The following MALRD1 variants were observed in gnomAD, a reference collection of about 807,000 sequenced individuals.
MALRD1 encodes MAM and LDL receptor class A domain containing 1.
Under a neutral mutation model 242.1 loss-of-function variants are expected in MALRD1, and 247 were observed. That is an observed-to-expected ratio of 1.02 (90% CI 0.92 to 1.13). The LOEUF (loss-of-function observed/expected upper bound fraction) is 1.13, where lower values mean the gene tolerates loss of function less well. MALRD1 is among the 50% of genes most tolerant of loss of function. The pLI is 0.00. For synonymous variants in MALRD1, 995 were observed against 866.6 expected (o/e 1.15, Z -2.60); for missense variants, 2,989 against 2,533.1 (o/e 1.18, Z -3.86).
At chr10:19,110,348 G>C (rs578210643) in intron 5 of MALRD1, among the ~76,000 whole-genome samples, 1 of 152,120 alleles carries the variant, frequency 6.6e-6, no homozygotes, top group Non-Finnish European at 1.5e-5. Context: ...TCTAACACTG[G>C]AACATGTAAA....
chr10:19,139,965 C>G (rs776440474), intron 10 of MALRD1, among the ~76,000 whole-genome samples: 3 of 152,136 alleles, frequency 2.0e-5, no homozygotes, highest in African/African-American at 7.2e-5. Context: ...AAACTAAAGG[C>G]AAACAAGTCA....
chr10:19,528,763 A>G (rs1289110695), intron 31 of MALRD1, among the ~76,000 whole-genome samples: 2 of 152,176 alleles, frequency 1.3e-5, no homozygotes, highest in Middle Eastern at 3.2e-3. Context: ...GGAAGGCATC[A>G]TTCCTATCAT....
intron 38 of MALRD1, among the ~76,000 whole-genome samples, chr10:19,699,261 G>A (rs1387038803): frequency 7.0e-6 from 1 of 142,896 alleles, no homozygotes; most frequent in Admixed American, 6.8e-5. Flanking sequence ...TGGGAAGGGA[G>A]AAAATTGTAC....
intron 21 of MALRD1, among the ~76,000 whole-genome samples, chr10:19,302,164 G>A (rs1233561931): frequency 2.6e-5 from 4 of 151,690 alleles, no homozygotes; most frequent in Non-Finnish European, 5.9e-5. Flanking sequence ...ACTTGCTAAT[G>A]GTAATGTAAA....
At chr10:19,623,666 A>T (rs949423492) in intron 36 of MALRD1, among the ~76,000 whole-genome samples, 18 of 152,126 alleles carry the variant, frequency 1.2e-4, no homozygotes, top group African/African-American at 3.4e-4. Context: ...AAGACCTCTG[A>T]TGTCTAACAG....
intron 29 of MALRD1, among the ~76,000 whole-genome samples, chr10:19,452,491 G>A (rs953508415): frequency 4.6e-5 from 7 of 152,124 alleles, no homozygotes; most frequent in African/African-American, 1.7e-4. Context: ...GTTGAATATA[G>A]TAAATTACAC....
chr10:19,369,180 T>C (rs1367608764), intron 26 of MALRD1, among the ~76,000 whole-genome samples: 2 of 24,842 alleles, frequency 8.1e-5, no homozygotes, highest in East Asian at 1.6e-3. Context: ...TATAAACTAA[T>C]ATATTATATA....
At chr10:19,638,607 G>A (rs1381069215) in intron 36 of MALRD1, among the ~76,000 whole-genome samples, 1 of 152,132 alleles carries the variant, frequency 6.6e-6, no homozygotes, top group Non-Finnish European at 1.5e-5. Flanking sequence ...TAAGAGAAGA[G>A]ACCTACTGTT....
intron 5 of MALRD1, among the ~76,000 whole-genome samples, chr10:19,105,510 T>C (rs1041825679): frequency 2.0e-5 from 3 of 152,040 alleles, no homozygotes; most frequent in African/African-American, 7.2e-5. Flanking sequence ...GAGATTGAAT[T>C]CGTATCTCTT....
chr10:19,219,529 CA>C (rs1837469064), intron 18 of MALRD1, among the ~76,000 whole-genome samples: 2 of 152,066 alleles, frequency 1.3e-5, no homozygotes, highest in Non-Finnish European at 2.9e-5. Context: ...CTCAAACTCC[CA>C]AGCTCAAGTG....
chr10:19,544,699 C>T (rs1835133516), intron 32 of MALRD1, among the ~76,000 whole-genome samples: 1 of 152,092 alleles, frequency 6.6e-6, no homozygotes, highest in Non-Finnish European at 1.5e-5. Flanking sequence ...GAATCATCCT[C>T]TCTAACAGCT....
chr10:19,590,051 A>G (rs10827626), intron 33 of MALRD1, among the ~76,000 whole-genome samples: 77,823 of 151,808 alleles, frequency 0.51, 20,062 homozygotes, highest in African/African-American at 0.54. Flanking sequence ...CTGACCAAGC[A>G]GCTCACTGGG....
chr10:19,276,244 G>A (rs943577975), intron 19 of MALRD1, among the ~76,000 whole-genome samples: 17 of 151,896 alleles, frequency 1.1e-4, no homozygotes, highest in African/African-American at 3.9e-4. Flanking sequence ...TGCCATTTTT[G>A]ATATAGGACA....
intron 13 of MALRD1, among the ~76,000 whole-genome samples, chr10:19,169,633 T>C (rs1159621881): frequency 1.3e-5 from 2 of 152,208 alleles, no homozygotes; most frequent in Non-Finnish European, 2.9e-5. Context: ...TAACCTGATT[T>C]CTCTGAGTGT....
rs563756273 is a variant in MALRD1 at position 19,255,148 on chromosome 10, A to G, written c.2992-2536A>G. Among the ~76,000 whole-genome samples the G allele has an allele frequency of 1.1e-4, 16 of 152,106 alleles. No individual in the cohort carries two copies. The South Asian group carries it at 2.3e-3, about 22-fold the overall frequency. On this transcript the variant is annotated intron_variant, in intron 18 of 39. Coordinates refer to ENST00000454679, the MANE Select transcript of MALRD1 (RefSeq NM_001142308.3). ...GCTGGTTTACTTCATAACATTTCCA[A>G]GACGATGATAGTTCTAATATAAGTA...
At chr10:19,234,235 T>TA (rs1564487539) in intron 18 of MALRD1, among the ~76,000 whole-genome samples, 1 of 152,126 alleles carries the variant, frequency 6.6e-6, no homozygotes, top group South Asian at 2.1e-4. Flanking sequence ...AATCCTATTT[T>TA]AAAAATTATA....
chr10:19,590,327 AT>A (rs1837703037), intron 33 of MALRD1, among the ~76,000 whole-genome samples: 1 of 148,006 alleles, frequency 6.8e-6, no homozygotes, highest in Non-Finnish European at 1.5e-5. Flanking sequence ...ATATATACAT[AT>A]TTTATATATG....
intron 19 of MALRD1, among the ~76,000 whole-genome samples, chr10:19,276,637 C>A (rs1269977993): frequency 6.6e-6 from 1 of 152,070 alleles, no homozygotes; most frequent in East Asian, 1.9e-4. Context: ...CATCAGCATT[C>A]AAAAATGATA....
chr10:19,154,724 T>C (rs1196045692), intron 11 of MALRD1, among the ~76,000 whole-genome samples: 1 of 152,190 alleles, frequency 6.6e-6, no homozygotes, highest in African/African-American at 2.4e-5. Context: ...AACTAAAAAG[T>C]AAAGCTCTTG....
Sources: gnomAD v4.1 joint callset for allele counts (sites outside exome capture counted in the v4.1 genomes callset) on GRCh38, gnomAD v4.1.1 for gene constraint, MANE v1.5 for transcripts, NCBI Gene and HGNC (gene_info 2026-07-23, HGNC 2026-07-21) for gene names.